MAP3K7CL: variants seen among roughly 807,000 people sequenced by gnomAD.
MAP3K7CL encodes MAP3K7 C-terminal like.
In MAP3K7CL, 16 loss-of-function variants were observed where a neutral mutation model predicts 18.6. The observed-to-expected ratio is 0.86, with a 90% confidence interval of 0.58 to 1.31. The LOEUF is 1.31. Among genes scored for constraint, MAP3K7CL ranks in the 50% most tolerant of loss-of-function variants. The probability of loss-of-function intolerance (pLI) is 0.00; values close to 1 mark genes in which losing one functional copy is unlikely to be tolerated. For missense variants in MAP3K7CL, 163 were observed against 174.4 expected, an observed-to-expected ratio of 0.93 and a Z score of 0.37; for synonymous variants, 65 against 66.8, an observed-to-expected ratio of 0.97 and a Z score of 0.13.
At chr21:29,149,329 C>A in intron 3 of MAP3K7CL, 79 bp downstream of exon 3, 2 of 1,222,446 alleles carry the variant, frequency 1.6e-6, no homozygotes, top group Non-Finnish European at 2.4e-6. Flanking sequence ...AGTGGCCTGA[C>A]TAGGGGAGAC....
intron 4 of MAP3K7CL, among the ~76,000 whole-genome samples, chr21:29,104,489 C>T (rs146797755): frequency 1.4e-4 from 21 of 152,278 alleles, no homozygotes; most frequent in African/African-American, 3.6e-4. Context: ...AAATCCCCCA[C>T]GTGGAGGCAA....
chr21:29,109,929 G>A (rs553581520), intron 4 of MAP3K7CL: 1 of 348,112 alleles, frequency 2.9e-6, no homozygotes, highest in African/African-American at 2.2e-5. Context: ...ATCTAGCAAT[G>A]TGTAGTAGAT....
At chr21:29,171,906 G>A (rs184682827) in intron 4 of MAP3K7CL, among the ~76,000 whole-genome samples, 1,640 of 150,140 alleles carry the variant, frequency 0.011, 16 homozygotes, top group Non-Finnish European at 0.016. Flanking sequence ...TTCCTCCCAC[G>A]ACAGTACTGG....
chr21:29,142,091 G>A (rs2087021344), intron 2 of MAP3K7CL, among the ~76,000 whole-genome samples: 2 of 151,492 alleles, frequency 1.3e-5, no homozygotes, highest in African/African-American at 4.8e-5. Flanking sequence ...TTGAGACAAG[G>A]TCTCACTCTG....
At chr21:29,122,126 TC>T (rs2086603977) in intron 4 of MAP3K7CL, 1 of 152,194 alleles carries the variant, frequency 6.6e-6, no homozygotes, top group Admixed American at 6.5e-5. Flanking sequence ...CAGGAAATCT[TC>T]CTTGACCCTT....
intron 3 of MAP3K7CL, among the ~76,000 whole-genome samples, chr21:29,158,297 G>A (rs907458497): frequency 6.6e-6 from 1 of 152,166 alleles, no homozygotes; most frequent in African/African-American, 2.4e-5. Flanking sequence ...CTCATGGGGC[G>A]AGTTATACTG....
intron 4 of MAP3K7CL, among the ~76,000 whole-genome samples, chr21:29,165,645 C>G (rs192497145): frequency 3.3e-5 from 5 of 152,364 alleles, no homozygotes; most frequent in African/African-American, 9.6e-5. Context: ...GATCTTGGCT[C>G]ACTGCAACCT....
At chr21:29,114,486 G>A (rs2086472640) in intron 4 of MAP3K7CL, among the ~76,000 whole-genome samples, 1 of 152,132 alleles carries the variant, frequency 6.6e-6, no homozygotes. Flanking sequence ...GACCTCTCGA[G>A]CTCAATTGAT....
At chr21:29,111,830 T>G (rs2832186) in intron 4 of MAP3K7CL, among the ~76,000 whole-genome samples, 75,401 of 151,994 alleles carry the variant, frequency 0.5, 18,829 homozygotes, top group East Asian at 0.64. Context: ...CTGAGCTTTT[T>G]GTGAATACTG....
At chr21:29,149,120 T>A in intron 2 of MAP3K7CL, 69 bp from the exon 3 acceptor site, 2 of 1,258,256 alleles carry the variant, frequency 1.6e-6, no homozygotes, top group Non-Finnish European at 2.3e-6. Flanking sequence ...GGTCTAACTC[T>A]GGGGGAGTCC....
upstream of MAP3K7CL, among the ~76,000 whole-genome samples, chr21:29,128,349 C>T (rs181382482): frequency 4.0e-4 from 60 of 151,480 alleles, 1 homozygote; most frequent in Non-Finnish European, 3.5e-4. Flanking sequence ...GTCGCCCAGG[C>T]TGGAGTGCAG....
At chr21:29,134,961 G>A (rs2086852272) in intron 2 of MAP3K7CL, among the ~76,000 whole-genome samples, 1 of 151,648 alleles carries the variant, frequency 6.6e-6, no homozygotes, top group Non-Finnish European at 1.5e-5. Context: ...TGAGGCAGGA[G>A]AATGGTGTGA....
At chr21:29,086,044 C>A in intron 1 of MAP3K7CL, 1 of 1,033,408 alleles carries the variant, frequency 9.7e-7, no homozygotes, top group Non-Finnish European at 1.5e-6. Flanking sequence ...TCTCAGCTAA[C>A]CATTACTGTT....
chr21:29,116,584 A>G (rs2086509048), intron 4 of MAP3K7CL, among the ~76,000 whole-genome samples: 2 of 152,194 alleles, frequency 1.3e-5, no homozygotes, highest in Non-Finnish European at 2.9e-5. Context: ...AATGACAGAT[A>G]AAATTTTCCT....
At chr21:29,090,344 C>T (rs948940395) in intron 1 of MAP3K7CL, among the ~76,000 whole-genome samples, 5 of 151,900 alleles carry the variant, frequency 3.3e-5, no homozygotes, top group African/African-American at 9.7e-5. Flanking sequence ...ACGTAAAAGG[C>T]GTAGGGAATG....
At chr21:29,152,929 T>C (rs1306189193) in intron 3 of MAP3K7CL, among the ~76,000 whole-genome samples, 1 of 152,234 alleles carries the variant, frequency 6.6e-6, no homozygotes, top group Non-Finnish European at 1.5e-5. Context: ...TAGAATAACC[T>C]TGTAAAATCT....
chr21:29,166,554 G>A (rs1411198916), intron 4 of MAP3K7CL, among the ~76,000 whole-genome samples: 3 of 152,178 alleles, frequency 2.0e-5, no homozygotes, highest in Non-Finnish European at 4.4e-5. Flanking sequence ...TGGCAGTTAC[G>A]CCCCACTGAC....
At chr21:29,126,769 A>G (rs1424809868), upstream of MAP3K7CL, among the ~76,000 whole-genome samples, 1 of 152,092 alleles carries the variant, frequency 6.6e-6, no homozygotes, top group African/African-American at 2.4e-5. Flanking sequence ...CACAAGTGTA[A>G]AATATTTCTA....
At chr21:29,150,845 C>A (rs2087254737) in intron 3 of MAP3K7CL, among the ~76,000 whole-genome samples, 1 of 150,482 alleles carries the variant, frequency 6.6e-6, no homozygotes, top group Admixed American at 6.6e-5. Context: ...TCTCGGCTCA[C>A]TGCAAACTCC....
Sources: gnomAD v4.1 joint callset for allele counts (sites outside exome capture counted in the v4.1 genomes callset) on GRCh38, gnomAD v4.1.1 for gene constraint, MANE v1.5 for transcripts, NCBI Gene and HGNC (gene_info 2026-07-23, HGNC 2026-07-21) for gene names.